The following GRHL2 variants were observed in gnomAD, a reference collection of about 807,000 sequenced individuals.
The protein encoded by GRHL2 is grainyhead-like protein 2 homolog.
In GRHL2, 21 loss-of-function variants were observed where a neutral mutation model predicts 83.8. That is an observed-to-expected ratio of 0.25 (90% CI 0.18 to 0.36). The LOEUF (loss-of-function observed/expected upper bound fraction) is 0.36, where lower values mean the gene tolerates loss of function less well. Ranked by LOEUF, GRHL2 falls within the 10% of genes least tolerant of loss-of-function variation. The pLI is 1.00. For synonymous variants in GRHL2, 280 were observed against 278.9 expected, an observed-to-expected ratio of 1.00 and a Z score of -0.04; for missense variants, 623 against 781.8, an observed-to-expected ratio of 0.80 and a Z score of 2.42.
the GRHL2 span, among the ~76,000 whole-genome samples, chr8:101,675,819 G>T: frequency 6.6e-6 from 1 of 152,056 alleles, no homozygotes; most frequent in Non-Finnish European, 1.5e-5. Context: ...ATACTACAAG[G>T]CTACAGTAAC....
chr8:101,561,351 G>T (rs182934014), intron 4 of GRHL2, among the ~76,000 whole-genome samples: 12 of 152,272 alleles, frequency 7.9e-5, no homozygotes, highest in Admixed American at 3.3e-4. Flanking sequence ...GGAATCACAA[G>T]TTAGAACTAA....
At chr8:101,643,078 G>T (rs975796673) in intron 12 of GRHL2, among the ~76,000 whole-genome samples, 2 of 152,056 alleles carry the variant, frequency 1.3e-5, no homozygotes, top group Admixed American at 6.5e-5. Context: ...CACGTGCCTG[G>T]TCCCTGGAGG....
intron 1 of GRHL2, among the ~76,000 whole-genome samples, chr8:101,531,984 T>G (rs548555933): frequency 8.5e-5 from 13 of 152,376 alleles, no homozygotes; most frequent in African/African-American, 3.1e-4. Context: ...TTATAATATT[T>G]TCACTGAATT....
intron 2 of GRHL2, among the ~76,000 whole-genome samples, chr8:101,546,973 T>C (rs977465925): frequency 6.6e-6 from 1 of 152,242 alleles, no homozygotes; most frequent in Non-Finnish European, 1.5e-5. Context: ...CAAGACTGTG[T>C]GGACTACTAG....
intron 14 of GRHL2, among the ~76,000 whole-genome samples, chr8:101,658,288 A>G (rs13272868): frequency 0.45 from 68,284 of 152,056 alleles, 18,674 homozygotes; most frequent in Non-Finnish European, 0.6. Context: ...ATCTCAACAT[A>G]TGCCCATTTT....
At chr8:101,533,438 C>T (rs1810979357) in intron 1 of GRHL2, among the ~76,000 whole-genome samples, 2 of 152,288 alleles carry the variant, frequency 1.3e-5, no homozygotes, top group South Asian at 2.1e-4. Context: ...TGTTAATTGA[C>T]TACCAAGTAT....
intron 4 of GRHL2, among the ~76,000 whole-genome samples, chr8:101,561,584 A>T (rs962802238): frequency 2.2e-4 from 33 of 152,336 alleles, no homozygotes; most frequent in African/African-American, 7.7e-4. Context: ...CTGTCATACA[A>T]ATTGTTAGTT....
chr8:101,608,776 CA>C (rs1563605596), intron 8 of GRHL2, among the ~76,000 whole-genome samples: 18 of 128,116 alleles, frequency 1.4e-4, no homozygotes, highest in African/African-American at 2.9e-4. Flanking sequence ...CACACACACA[CA>C]CCTACACCTC....
At chr8:101,655,450 A>G (rs1004987233) in intron 14 of GRHL2, among the ~76,000 whole-genome samples, 2 of 152,218 alleles carry the variant, frequency 1.3e-5, no homozygotes, top group Non-Finnish European at 2.9e-5. Context: ...TCTTGACCAC[A>G]ACAAAGAGGA....
At chr8:101,565,324 TAATA>T (rs923738918) in intron 4 of GRHL2, among the ~76,000 whole-genome samples, 5 of 152,204 alleles carry the variant, frequency 3.3e-5, no homozygotes, top group African/African-American at 1.2e-4. Context: ...TATATAATCA[TAATA>T]AATCAAAATG....
intron 15 of GRHL2, 69 bp downstream of exon 15, chr8:101,664,587 ATG>A (rs1158230728): frequency 8.9e-7 from 1 of 1,126,100 alleles, no homozygotes; most frequent in Middle Eastern, 2.0e-4. Flanking sequence ...TAAAAATAAA[ATG>A]ATGCCTGTCT....
intron 1 of GRHL2, among the ~76,000 whole-genome samples, chr8:101,493,376 G>T (rs976126120): frequency 2.0e-5 from 3 of 152,148 alleles, no homozygotes; most frequent in Non-Finnish European, 2.9e-5. Flanking sequence ...AGGCCGGGGG[G>T]CGCGGGGGCG....
chr8:101,646,173 T>C (rs1813507311), intron 13 of GRHL2, among the ~76,000 whole-genome samples: 1 of 152,164 alleles, frequency 6.6e-6, no homozygotes, highest in Non-Finnish European at 1.5e-5. Context: ...AGCCAAACCT[T>C]TAAAAAATTT....
chr8:101,597,892 G>T (rs896807053), intron 7 of GRHL2, among the ~76,000 whole-genome samples: 13 of 151,724 alleles, frequency 8.6e-5, no homozygotes, highest in African/African-American at 3.1e-4. Flanking sequence ...GATCCGAAAA[G>T]GTCTGTAGTC....
In GRHL2 at chr8:101,523,688, T is replaced by G. The variant is rs368730182; in HGVS notation, c.21-19553T>G. 2.6e-5 allele frequency among the ~76,000 whole-genome samples: 4 copies of G among 152,030 alleles called. No homozygotes were observed. The East Asian group carries it at 7.8e-4, about 30-fold the overall frequency. Reference sequence around the variant, plus strand: ...AAAGATGGGTTTTTGCCATGTTGTCTGCTTGGTCTTGAATTCCTGGGCTCA... The same window carrying G: ...AAAGATGGGTTTTTGCCATGTTGTCGGCTTGGTCTTGAATTCCTGGGCTCA... On this transcript the variant is annotated intron_variant, in intron 1 of 15. Transcript: ENST00000646743.
chr8:101,587,742 CA>C lies in GRHL2; in HGVS notation c.1003+10232del, dbSNP rs368599802. On this transcript the variant is annotated intron_variant, in intron 7 of 15. Transcript: ENST00000646743. ...ATTATTGGATTGGCTTAAAAATGAC[CA>C]AAAAAAAACCTAGAGATACAATTAG... Among the ~76,000 whole-genome samples, 1,247 of 151,170 alleles carry C rather than the reference CA, an allele frequency of 8.2e-3. 8 individuals are homozygous for C. The highest frequency in any genetic ancestry group is 0.027 in the African/African-American group (1,094 of 41,040).
At chr8:101,545,401 A>G (rs1188744933) in intron 2 of GRHL2, among the ~76,000 whole-genome samples, 1 of 141,000 alleles carries the variant, frequency 7.1e-6, no homozygotes, top group South Asian at 2.4e-4. Flanking sequence ...ACTACATTGC[A>G]TGTAACTAAG....
chr8:101,562,909 G>C (rs1811636920), intron 4 of GRHL2, among the ~76,000 whole-genome samples: 1 of 152,220 alleles, frequency 6.6e-6, no homozygotes, highest in Non-Finnish European at 1.5e-5. Flanking sequence ...AGTGAGTGTA[G>C]TGGCAGCATG....
At chr8:101,497,432 T>G (rs1242127860) in intron 1 of GRHL2, among the ~76,000 whole-genome samples, 1 of 152,236 alleles carries the variant, frequency 6.6e-6, no homozygotes. Context: ...CTGCATAGCA[T>G]GTGCTTTAGT....
Sources: gnomAD v4.1 joint callset for allele counts (sites outside exome capture counted in the v4.1 genomes callset) on GRCh38, gnomAD v4.1.1 for gene constraint, MANE v1.5 for transcripts, NCBI Gene and HGNC (gene_info 2026-07-23, HGNC 2026-07-21) for gene names.